ZBBX: variants seen among roughly 807,000 people sequenced by gnomAD.
ZBBX encodes zinc finger B-box domain containing, also known as zinc finger B-box domain-containing protein 1.
ZBBX carries 101 observed loss-of-function variants against 108.5 expected under a neutral mutation model. The ratio of observed to expected loss-of-function variants is 0.93; its 90% CI spans 0.79 to 1.10. ZBBX has a LOEUF of 1.10. Among genes scored for constraint, ZBBX ranks in the 50% least tolerant of loss-of-function variants. The pLI is 0.00. For missense variants in ZBBX, 1,009 were observed against 941.4 expected, an observed-to-expected ratio of 1.07 and a Z score of -0.94; for synonymous variants, 356 against 323.4, an observed-to-expected ratio of 1.10 and a Z score of -1.08.
At chr3:167,291,559 T>A (rs966569278) in intron 18 of ZBBX, among the ~76,000 whole-genome samples, 1 of 152,130 alleles carries the variant, frequency 6.6e-6, no homozygotes, top group African/African-American at 2.4e-5. Context: ...AAGGAAGCAC[T>A]AAATATGGAA....
At chr3:167,197,427 A>T in the ZBBX span, among the ~76,000 whole-genome samples, 3 of 152,032 alleles carry the variant, frequency 2.0e-5, no homozygotes, top group Admixed American at 6.6e-5. Flanking sequence ...AGTCCCAGCT[A>T]CTCAGGAGGC....
At chr3:167,299,333 G>A (rs2108186513) in intron 17 of ZBBX, among the ~76,000 whole-genome samples, 1 of 151,984 alleles carries the variant, frequency 6.6e-6, no homozygotes, top group South Asian at 2.1e-4. Flanking sequence ...AAAGAACAAA[G>A]CTAGTGACCA....
chr3:167,276,505 T>G (rs200805656), intron 20 of ZBBX, among the ~76,000 whole-genome samples: 1 of 151,784 alleles, frequency 6.6e-6, no homozygotes, highest in African/African-American at 2.4e-5. Context: ...TGATGGAAGA[T>G]GAAATGAATA....
At chr3:167,328,919 T>C (rs767469839) in intron 10 of ZBBX, among the ~76,000 whole-genome samples, 3 of 152,220 alleles carry the variant, frequency 2.0e-5, no homozygotes, top group Non-Finnish European at 2.9e-5. Context: ...CTTACTCCCA[T>C]GTGACTTTAT....
intron 1 of ZBBX, chr3:167,401,551 A>T (rs1461519251): frequency 6.6e-6 from 1 of 152,168 alleles, no homozygotes; most frequent in Non-Finnish European, 1.5e-5. Flanking sequence ...TGAATTATTT[A>T]TGCCTCCCCT....
At chr3:167,259,886 G>T (rs1423215666) in intron 20 of ZBBX, among the ~76,000 whole-genome samples, 1 of 151,928 alleles carries the variant, frequency 6.6e-6, no homozygotes, top group Non-Finnish European at 1.5e-5. Context: ...TCATTTTATG[G>T]CCTATTTTGC....
chr3:167,259,062 C>G (rs1339449766), intron 20 of ZBBX, among the ~76,000 whole-genome samples: 1 of 152,046 alleles, frequency 6.6e-6, no homozygotes, highest in East Asian at 1.9e-4. Flanking sequence ...AATTCTTCTT[C>G]AAATGTCTGG....
intron 20 of ZBBX, among the ~76,000 whole-genome samples, chr3:167,250,018 C>T (rs1226853642): frequency 1.3e-5 from 2 of 152,178 alleles, no homozygotes; most frequent in Non-Finnish European, 2.9e-5. Context: ...AATCCCACTG[C>T]CTTCCTGGAA....
intron 18 of ZBBX, among the ~76,000 whole-genome samples, chr3:167,290,641 CCTCCTCTCCTCCAAAGGATCACAA>C (rs2108566580): frequency 6.6e-6 from 1 of 152,122 alleles, no homozygotes; most frequent in East Asian, 1.9e-4. Context: ...AACCTGAATG[CCTCCTCTCCTCCAAAGGATCACAA>C]CTCCTCACCA....
the ZBBX span, among the ~76,000 whole-genome samples, chr3:167,191,683 A>G: frequency 1.3e-5 from 2 of 150,844 alleles, no homozygotes; most frequent in African/African-American, 4.9e-5. Context: ...GTCCAATTAA[A>G]CCTCTTTCTT....
chr3:167,384,930 T>C (rs971956143), upstream of ZBBX, among the ~76,000 whole-genome samples: 12 of 152,054 alleles, frequency 7.9e-5, no homozygotes, highest in Non-Finnish European at 1.5e-4. Context: ...ACATTCCTAA[T>C]ACAAAACTTT....
intron 1 of ZBBX, among the ~76,000 whole-genome samples, chr3:167,393,383 C>G (rs537547604): frequency 1.1e-3 from 174 of 151,902 alleles, no homozygotes; most frequent in Middle Eastern, 6.8e-3. Flanking sequence ...CAAATAATTT[C>G]TTATGCTCAA....
At chr3:167,258,684 G>C (rs913497817) in intron 20 of ZBBX, among the ~76,000 whole-genome samples, 1 of 152,068 alleles carries the variant, frequency 6.6e-6, no homozygotes, top group African/African-American at 2.4e-5. Context: ...AATCATAAAG[G>C]GATGCTGGAT....
At chr3:167,333,359 A>T (rs929675329) in intron 10 of ZBBX, among the ~76,000 whole-genome samples, 9 of 152,160 alleles carry the variant, frequency 5.9e-5, no homozygotes, top group Non-Finnish European at 1.2e-4. Flanking sequence ...CTTATCTAGC[A>T]TGTTGTCAGA....
At position 167,348,308 on chromosome 3, in the gene ZBBX, A is replaced by AAGAG. The variant is rs1326647359; in HGVS notation, c.528+2111_528+2112insCTCT. Among the ~76,000 whole-genome samples the AAGAG allele has an allele frequency of 1.2e-3, 155 of 125,586 alleles. 1 individual carries two copies. Among genetic ancestry groups the AAGAG allele is most frequent in the East Asian group, 5.4e-3 (22 of 4,060 alleles). The allele number at this position is 125,586 out of a possible 152,430, so 82.4% of individuals were successfully genotyped here. A position where few individuals can be genotyped will look rare whatever the true frequency, so the allele number is the denominator to read the frequency against. On this transcript the variant is annotated intron_variant, in intron 9 of 21. Transcript: ENST00000675490. The stretch of plus-strand genomic sequence containing the variant: ...GAAGGAAGGAAAGAAGAAAGAGAGA[A>AAGAG]AGAAAGAGAAAGAAAGAAAGAAAGA...
the ZBBX span, among the ~76,000 whole-genome samples, chr3:167,228,869 T>A: frequency 6.6e-6 from 1 of 151,796 alleles, no homozygotes; most frequent in Non-Finnish European, 1.5e-5. Context: ...TTGAACAACA[T>A]GGGGCTGGCT....
Position 167,391,102 on chromosome 3 carries a change from T to G in ZBBX, c.-445-10697A>C, listed in dbSNP as rs558313909. 3.0e-4 allele frequency among the ~76,000 whole-genome samples: 46 copies of G among 152,256 alleles called. No individual in the cohort carries two copies. The South Asian group carries it at 9.5e-3, about 32-fold the overall frequency. Reference sequence around the variant, plus strand: ...ATGCTTCCAGCTTGTGCCCATTCAGTATGATATTGGCTATGGGTTTGTCAA... The same window carrying G: ...ATGCTTCCAGCTTGTGCCCATTCAGGATGATATTGGCTATGGGTTTGTCAA... On this transcript the variant is annotated intron_variant, in intron 1 of 21. Coordinates refer to the ZBBX transcript ENST00000455345.
intron 18 of ZBBX, among the ~76,000 whole-genome samples, chr3:167,295,800 T>G (rs1472808228): frequency 7.3e-6 from 1 of 136,336 alleles, no homozygotes; most frequent in African/African-American, 2.8e-5. Flanking sequence ...AACAAAAATT[T>G]GCCAATAATG....
the ZBBX span, among the ~76,000 whole-genome samples, chr3:167,214,646 T>A: frequency 0.82 from 124,063 of 152,130 alleles, 51,024 homozygotes; most frequent in African/African-American, 0.93. Context: ...TGGATCTGAT[T>A]GACCTCTGCA....
Sources: gnomAD v4.1 joint callset for allele counts (sites outside exome capture counted in the v4.1 genomes callset) on GRCh38, gnomAD v4.1.1 for gene constraint, MANE v1.5 for transcripts, NCBI Gene and HGNC (gene_info 2026-07-23, HGNC 2026-07-21) for gene names.